The following PTGES2 variants were observed in gnomAD, a reference collection of about 807,000 sequenced individuals.
PTGES2 encodes prostaglandin E synthase 2.
PTGES2 carries 35 observed loss-of-function variants against 44.5 expected under a neutral mutation model. That is an observed-to-expected ratio of 0.79 (90% confidence interval 0.60 to 1.04). The LOEUF (loss-of-function observed/expected upper bound fraction) is 1.04, where lower values mean the gene tolerates loss of function less well. Ranked by LOEUF, PTGES2 falls within the 50% of genes least tolerant of loss-of-function variation. The pLI, the probability that PTGES2 is intolerant of heterozygous loss-of-function variation, is 0.00. For missense variants in PTGES2, 517 were observed against 521.4 expected, an observed-to-expected ratio of 0.99 and a Z score of 0.08; for synonymous variants, 221 against 227.5, an observed-to-expected ratio of 0.97 and a Z score of 0.26.
At chr9:128,127,865 G>T, upstream of PTGES2, 1 of 827,070 alleles carries the variant, frequency 1.2e-6, no homozygotes, top group Non-Finnish European at 1.6e-6. Context: ...GGGACTGGGC[G>T]TGTGCCCGGC....
In PTGES2 at chr9:128,122,958, A is replaced by G. The variant is rs1470538693; in HGVS notation, c.863T>C (p.Leu288Pro). The change falls in exon 5 of 7, where the codon CTC becomes CCC. Residue 288 changes from leucine (L) to proline (P), a missense_variant. Leu to Pro is a moderately conservative substitution (Grantham distance 98). Transcript: ENST00000338961. Reference protein sequence around the residue: ...AKYMGAAAMYLISKRLKSRHR... With the variant: ...AKYMGAAAMYPISKRLKSRHR... ...CCTGCTCTTGAGTCGCTTGCTGATG[A>G]GGTACATGGCCGCTGCACCCATGTA... The G allele has an allele frequency of 2.5e-6, 4 of 1,613,854 alleles. No homozygotes were observed. The highest frequency in any genetic ancestry group is 3.4e-6 in the Non-Finnish European group (4 of 1,179,994).
chr9:128,122,296 G>T, intron 6 of PTGES2, 66 bp downstream of exon 6: 1 of 1,310,904 alleles, frequency 7.6e-7, no homozygotes, highest in Non-Finnish European at 1.1e-6. Context: ...GCTTTCCCTT[G>T]CAAACCTCCC....
intron 6 of PTGES2, 81 bp downstream of exon 6, chr9:128,122,281 T>A: frequency 9.0e-7 from 1 of 1,117,128 alleles, no homozygotes; most frequent in South Asian, 1.4e-5. Context: ...GCAAGCACCG[T>A]CCAGGCTTTC....
chr9:128,125,476 G>C (rs1170327396), intron 1 of PTGES2, 35 bp from the exon 2 acceptor site: 1 of 1,602,862 alleles, frequency 6.2e-7, no homozygotes, highest in East Asian at 2.2e-5. Flanking sequence ...TTCTAGACCT[G>C]GCACCCCCAG....
At position 128,127,459 on chromosome 9, in the gene PTGES2, C is replaced by A; in HGVS notation, c.259G>T (p.Ala87Ser). 7.2e-7 allele frequency: 1 copy of A among 1,396,782 alleles called. No individual in the cohort carries two copies. Among genetic ancestry groups the A allele is most frequent in the Non-Finnish European group, 9.3e-7 (1 of 1,070,530 alleles). The allele number at this position is 1,396,782 out of a possible 1,614,324, so 86.5% of individuals were successfully genotyped here. ...RWHLRAQDLH[A>S]ERSAAQLSLS... is the part of the protein sequence containing the mutation. ...CTTACCTGCGCGGCTGAGCGCTCTGCGTGGAGGTCCTGGGCGCGCAGGTGC... is the reference window on the plus strand; with the variant it reads ...CTTACCTGCGCGGCTGAGCGCTCTGAGTGGAGGTCCTGGGCGCGCAGGTGC... Residue 87 changes from alanine to serine, a missense_variant, in exon 1 of 7, where the codon GCA (alanine) becomes TCA (serine). By Grantham distance (99) the Ala-to-Ser change is moderately conservative. Coordinates refer to ENST00000338961, the MANE Select transcript of PTGES2 (RefSeq NM_025072.7).
At chr9:128,128,209 G>T (rs1046464618), upstream of PTGES2, 3 of 403,816 alleles carry the variant, frequency 7.4e-6, no homozygotes, top group African/African-American at 4.2e-5. Flanking sequence ...CTCATTGTCC[G>T]CTTCCTACTG....
chr9:128,126,331 G>A (rs1456269210), intron 1 of PTGES2, among the ~76,000 whole-genome samples: 2 of 152,140 alleles, frequency 1.3e-5, no homozygotes, highest in East Asian at 3.9e-4. Context: ...AGTGTCTCAA[G>A]GCAGCTGGGC....
At chr9:128,122,610 C>G (rs1834458431) in intron 5 of PTGES2, 131 bp from the exon 6 acceptor site, 1 of 740,102 alleles carries the variant, frequency 1.4e-6, no homozygotes, top group Non-Finnish European at 2.3e-6. Flanking sequence ...ATCACATCTG[C>G]AGACGCCTCA....
chr9:128,121,254 C>G lies in PTGES2; in HGVS notation c.1025G>C (p.Arg342Pro). 1.2e-6 allele frequency: 2 copies of G among 1,609,168 alleles called. No homozygotes were observed. Among genetic ancestry groups the G allele is most frequent in the Non-Finnish European group, 1.7e-6 (2 of 1,177,276 alleles). ...GAACGCATCCAGCCCCTCCATCACA[C>G]GCAGCACGCCATACACCGCCTGGGG... ...LADLAVYGVL[R>P]VMEGLDAFDD... Residue 342 changes from arginine to proline, a missense_variant, in exon 7 of 7, where the codon CGT becomes CCT. Physicochemically the swap from Arg to Pro is moderately radical, Grantham distance 103. Coordinates refer to ENST00000338961, the MANE Select transcript of PTGES2 (RefSeq NM_025072.7).
chr9:128,125,379 G>A lies in PTGES2; in HGVS notation c.342C>T (p.Ser114=), dbSNP rs138988974. Residue 114 remains serine (S), a synonymous_variant, in exon 2 of 7, where the codon AGC becomes AGT. Coordinates refer to ENST00000338961, the MANE Select transcript of PTGES2 (RefSeq NM_025072.7). The part of the protein sequence containing the change: ...LYQYKTCPFC[S]KVRAFLDFHA... ...GGAAGTCGAGGAAGGCTCGGACCTT[G>A]CTGCAGAAGGGACACGTCTTGTACT... 5.5e-5 allele frequency: 88 copies of A among 1,614,074 alleles called. No homozygotes were observed. The highest frequency in any genetic ancestry group is 4.8e-5 in the Non-Finnish European group (57 of 1,180,032).
upstream of PTGES2, chr9:128,128,305 C>T (rs376062374): frequency 6.6e-6 from 3 of 455,610 alleles, no homozygotes; most frequent in Non-Finnish European, 4.4e-6. Flanking sequence ...GCGGCCGGCC[C>T]GCCGACCCCG....
chr9:128,122,441 T>C lies in PTGES2; in HGVS notation c.926A>G (p.Glu309Gly). 6.2e-7 allele frequency: 1 copy of C among 1,614,142 alleles called. No homozygotes were observed. The highest frequency in any genetic ancestry group is 8.5e-7 in the Non-Finnish European group (1 of 1,180,016). ...AGCAGCCACCCACTTGTCAGCAGCC[T>C]CATAGAGGTCCTCGCGCACGTTGTC... ...LQDNVREDLY[E>G]AADKWVAAVG... The change falls in exon 6 of 7, where the codon GAG becomes GGG. Residue 309 changes from glutamate (E) to glycine (G), a missense_variant. Coordinates refer to ENST00000338961, the MANE Select transcript of PTGES2 (RefSeq NM_025072.7).
Position 128,125,314 on chromosome 9 carries a change from C to A in PTGES2, c.407G>T (p.Arg136Leu). The A allele has an allele frequency of 5.0e-6, 8 of 1,613,914 alleles. No individual in the cohort carries two copies. The highest frequency in any genetic ancestry group is 6.8e-6 in the Non-Finnish European group (8 of 1,179,914). ...GGAGGAGAACTTGATCTCAGCCCTG[C>A]GCACAGGGTTCACCTCCACCACCTG... ...PYQVVEVNPV[R>L]RAEIKFSSYR... The change falls in exon 2 of 7, where the codon CGC becomes CTC. Residue 136 changes from arginine (R) to leucine (L), a missense_variant. Physicochemically the swap from Arg to Leu is moderately radical, Grantham distance 102. Coordinates refer to ENST00000338961, the MANE Select transcript of PTGES2 (RefSeq NM_025072.7).
chr9:128,122,504 T>G (rs777841762), intron 5 of PTGES2, 25 bp from the exon 6 acceptor site: 5 of 1,595,496 alleles, frequency 3.1e-6, no homozygotes, highest in African/African-American at 2.7e-5. Flanking sequence ...GAAAAGCCCC[T>G]CAGGGGAGCC....
chr9:128,124,461 A>G, intron 3 of PTGES2, 31 bp downstream of exon 3: 2 of 1,609,030 alleles, frequency 1.2e-6, no homozygotes, highest in Non-Finnish European at 1.7e-6. Context: ...ACCAAAAGCA[A>G]TGGCCACCTG....
chr9:128,124,557 G>A lies in PTGES2; in HGVS notation c.478-7C>T, dbSNP rs1333310411. On this transcript the variant is annotated splice_polypyrimidine_tract_variant and splice_region_variant and intron_variant, in intron 2 of 6. Coordinates refer to ENST00000338961, the MANE Select transcript of PTGES2 (RefSeq NM_025072.7). ...AGGAGTCATTTAGTTGTTGCTGGAA[G>A]AGAAAAGGGTGGTTTAATCAGAGGT... is the stretch of plus-strand genomic sequence containing the variant. 5.0e-6 allele frequency: 8 copies of A among 1,613,072 alleles called. No individual in the cohort carries two copies. The highest frequency in any genetic ancestry group is 6.8e-6 in the Non-Finnish European group (8 of 1,179,298).
In PTGES2 at chr9:128,120,914, C is replaced by T. The variant is rs1461447044; in HGVS notation, c.*231G>A. On this transcript the variant is annotated 3_prime_UTR_variant, in exon 7 of 7. Transcript: ENST00000338961. ...GAAGAGGGGCGGCAGAGCAGGGAGG[C>T]AGGGACAGGGAGGGGTCGCCCCAGG... The T allele has an allele frequency of 2.2e-5, 12 of 549,206 alleles. No individual in the cohort carries two copies. The highest frequency in any genetic ancestry group is 1.7e-4 in the African/African-American group (9 of 51,582). The allele number at this position is 549,206 out of a possible 1,614,324, so 34.0% of individuals were successfully genotyped here.
intron 5 of PTGES2, 24 bp downstream of exon 5, chr9:128,122,910 C>T: frequency 1.9e-6 from 3 of 1,612,130 alleles, no homozygotes; most frequent in South Asian, 2.2e-5. Context: ...GGACAGCAGG[C>T]CCCGGATGTG....
Position 128,127,541 on chromosome 9 carries a change from C to G in PTGES2, c.177G>C (p.Leu59=). Residue 59 remains leucine, a synonymous_variant, in exon 1 of 7, where the codon CTG becomes CTC. Coordinates refer to ENST00000338961, the MANE Select transcript of PTGES2 (RefSeq NM_025072.7). ...CCCCCAGGGCCAGCGCCGCAGCTCCCAGCAGCCGCGGGCTCCCCTTACGAG... is the reference window on the plus strand; with the variant it reads ...CCCCCAGGGCCAGCGCCGCAGCTCCGAGCAGCCGCGGGCTCCCCTTACGAG... ...AAARKGSPRL[L]GAAALALGGA... 1 of 1,294,334 alleles carries G rather than the reference C, an allele frequency of 7.7e-7. No individual in the cohort carries two copies. The highest frequency in any genetic ancestry group is 2.4e-5 in the South Asian group (1 of 42,462). The allele number at this position is 1,294,334 out of a possible 1,614,324, so 80.2% of individuals were successfully genotyped here.
Sources: gnomAD v4.1 joint callset for allele counts (sites outside exome capture counted in the v4.1 genomes callset) on GRCh38, gnomAD v4.1.1 for gene constraint, MANE v1.5 for transcripts, NCBI Gene and HGNC (gene_info 2026-07-23, HGNC 2026-07-21) for gene names.